DIP2C: variants seen among roughly 807,000 people sequenced by gnomAD.
DIP2C encodes disco-interacting protein 2 homolog C.
DIP2C carries 33 observed loss-of-function variants against 192.4 expected under a neutral mutation model. That is an observed-to-expected ratio of 0.17 (90% CI 0.13 to 0.23). The LOEUF is 0.23. Among genes scored for constraint, DIP2C ranks in the 10% least tolerant of loss-of-function variants. DIP2C has a pLI of 1.00. For synonymous variants in DIP2C, 979 were observed against 864.1 expected (o/e 1.13, Z -2.33); for missense variants, 1,537 against 2,110.1 (o/e 0.73, Z 5.32).
intron 31 of DIP2C, chr10:311,413 C>T: frequency 1.2e-6 from 1 of 846,362 alleles, no homozygotes; most frequent in Non-Finnish European, 1.6e-6. Flanking sequence ...CCCATGATCA[C>T]AGGGCCTGCA....
chr10:310,001 A>G, intron 32 of DIP2C, 30 bp downstream of exon 32: 1 of 1,609,212 alleles, frequency 6.2e-7, no homozygotes, highest in East Asian at 2.2e-5. Flanking sequence ...AAAAAAGGAA[A>G]AAAAGAAAAA....
At chr10:589,528 T>C (rs1851280995) in intron 1 of DIP2C, among the ~76,000 whole-genome samples, 1 of 152,182 alleles carries the variant, frequency 6.6e-6, no homozygotes, top group South Asian at 2.1e-4. Flanking sequence ...TTTCACTCTT[T>C]TGCATATGGC....
At chr10:289,862 C>T (rs538342023) in intron 32 of DIP2C, among the ~76,000 whole-genome samples, 43 of 152,338 alleles carry the variant, frequency 2.8e-4, no homozygotes, top group African/African-American at 8.7e-4. Flanking sequence ...ACGTCCTCCA[C>T]GTGCCAGACA....
intron 9 of DIP2C, among the ~76,000 whole-genome samples, chr10:399,828 C>T (rs1964278345): frequency 6.6e-6 from 1 of 152,214 alleles, no homozygotes. Flanking sequence ...GGCACTAGGG[C>T]TGGTGGCAGC....
chr10:583,750 G>A (rs1024443223), intron 1 of DIP2C, among the ~76,000 whole-genome samples: 2 of 152,174 alleles, frequency 1.3e-5, no homozygotes, highest in African/African-American at 2.4e-5. Flanking sequence ...GCAGAAACAG[G>A]TATTAAATGA....
intron 23 of DIP2C, among the ~76,000 whole-genome samples, chr10:357,123 C>T (rs890683432): frequency 1.3e-5 from 2 of 152,182 alleles, no homozygotes; most frequent in African/African-American, 2.4e-5. Context: ...CAACATTTCA[C>T]GGTGCTGATT....
intron 18 of DIP2C, 78 bp downstream of exon 18, chr10:369,416 G>C: frequency 6.8e-7 from 1 of 1,460,986 alleles, no homozygotes. Flanking sequence ...GGGAACGTGG[G>C]AACGCAGGCT....
In DIP2C at chr10:356,437, G is replaced by C; in HGVS notation, c.2974C>G (p.Leu992Val). Residue 992 changes from leucine (L) to valine (V), a missense_variant, in exon 24 of 37, where the codon CTC becomes GTC. By Grantham distance (32) the Leu-to-Val change is conservative (BLOSUM62 1). Coordinates refer to ENST00000280886, the MANE Select transcript of DIP2C (RefSeq NM_014974.3). ...GCTCCGCGCCTCACCCGACAGTTGAGCAGCGTGTAGAGGATGTGGTCCGGG... is the reference window on the plus strand; with the variant it reads ...GCTCCGCGCCTCACCCGACAGTTGACCAGCGTGTAGAGGATGTGGTCCGGG... ...TTPDHILYTL[L>V]NCRGAIANSL... 1.2e-6 allele frequency: 2 copies of C among 1,611,688 alleles called. No individual in the cohort carries two copies. Among genetic ancestry groups the C allele is most frequent in the Non-Finnish European group, 1.7e-6 (2 of 1,179,994 alleles).
At chr10:348,162 C>T (rs1449632679) in intron 26 of DIP2C, among the ~76,000 whole-genome samples, 1 of 152,256 alleles carries the variant, frequency 6.6e-6, no homozygotes, top group African/African-American at 2.4e-5. Flanking sequence ...TCTGCCCACA[C>T]TGTTCTCCCC....
At chr10:512,531 C>G (rs928685774) in intron 1 of DIP2C, among the ~76,000 whole-genome samples, 1 of 152,158 alleles carries the variant, frequency 6.6e-6, no homozygotes, top group Non-Finnish European at 1.5e-5. Flanking sequence ...CTGCAGTCAG[C>G]CAAGATTTGC....
chr10:609,773 A>T (rs1046135066), intron 1 of DIP2C, among the ~76,000 whole-genome samples: 1 of 152,222 alleles, frequency 6.6e-6, no homozygotes, highest in African/African-American at 2.4e-5. Context: ...GAAGTTAAAA[A>T]GAACCTAACT....
chr10:417,771 C>T (rs12769970), intron 6 of DIP2C, among the ~76,000 whole-genome samples: 1,332 of 76,236 alleles, frequency 0.017, 220 homozygotes, highest in African/African-American at 0.023. Context: ...TGTCCACCTG[C>T]ACCTGTCAGG....
chr10:631,853 ATATTT>A (rs1854539371), intron 1 of DIP2C, among the ~76,000 whole-genome samples: 1 of 152,236 alleles, frequency 6.6e-6, no homozygotes, highest in Admixed American at 6.5e-5. Context: ...GTTTACCTGA[ATATTT>A]TAATAAAATC....
intron 31 of DIP2C, among the ~76,000 whole-genome samples, chr10:310,604 G>C (rs1302350161): frequency 6.6e-6 from 1 of 152,214 alleles, no homozygotes. Context: ...TCTCTGGCCT[G>C]AGGAGGGCAT....
chr10:559,678 G>A (rs141485238), intron 1 of DIP2C, among the ~76,000 whole-genome samples: 4 of 152,282 alleles, frequency 2.6e-5, no homozygotes, highest in Non-Finnish European at 5.9e-5. Flanking sequence ...GTACAGACCA[G>A]CTACCCACAT....
intron 1 of DIP2C, among the ~76,000 whole-genome samples, chr10:574,339 C>T (rs944785270): frequency 6.6e-6 from 1 of 152,156 alleles, no homozygotes; most frequent in Non-Finnish European, 1.5e-5. Context: ...GGAAACTGCA[C>T]GGTTAGAATA....
At chr10:468,730 A>C (rs1970410853) in intron 3 of DIP2C, among the ~76,000 whole-genome samples, 1 of 152,170 alleles carries the variant, frequency 6.6e-6, no homozygotes, top group African/African-American at 2.4e-5. Flanking sequence ...CACAGAGATC[A>C]CACCATTGCA....
At chr10:637,689 T>A (rs1854916360) in intron 1 of DIP2C, among the ~76,000 whole-genome samples, 1 of 152,170 alleles carries the variant, frequency 6.6e-6, no homozygotes, top group Non-Finnish European at 1.5e-5. Flanking sequence ...CAAAAGCCCA[T>A]CATTTAATTT....
At chr10:523,657 C>CAA (rs1269900495) in intron 1 of DIP2C, among the ~76,000 whole-genome samples, 61 of 145,750 alleles carry the variant, frequency 4.2e-4, no homozygotes, top group Non-Finnish European at 9.0e-4. Context: ...CTACCGGATG[C>CAA]AAAGGACCCT....
Sources: allele counts gnomAD v4.1 joint callset (sites outside exome capture counted in the v4.1 genomes callset), GRCh38; gene constraint gnomAD v4.1.1; transcripts MANE v1.5; gene names NCBI Gene and HGNC (gene_info 2026-07-23, HGNC 2026-07-21).